The following COL5A2 variants were observed in gnomAD, a reference collection of about 807,000 sequenced individuals.
The protein encoded by COL5A2 is collagen type V alpha 2 chain.
COL5A2 carries 23 observed loss-of-function variants against 208.2 expected under a neutral mutation model. The ratio of observed to expected loss-of-function variants is 0.11; its 90% CI spans 0.08 to 0.16. The LOEUF is 0.16. Among genes scored for constraint, COL5A2 ranks in the 10% least tolerant of loss-of-function variants. The probability of loss-of-function intolerance (pLI) is 1.00; values close to 1 mark genes in which losing one functional copy is unlikely to be tolerated. For missense variants in COL5A2, 1,590 were observed against 1,956.4 expected, an observed-to-expected ratio of 0.81 and a Z score of 3.53; for synonymous variants, 625 against 628.5, an observed-to-expected ratio of 0.99 and a Z score of 0.08.
intron 1 of COL5A2, among the ~76,000 whole-genome samples, chr2:189,174,003 T>G (rs1688629740): frequency 6.6e-6 from 1 of 152,248 alleles, no homozygotes; most frequent in Non-Finnish European, 1.5e-5. Flanking sequence ...GTCCATACAT[T>G]TTAAGAATGC....
chr2:189,090,194 A>G (rs1686754110), intron 7 of COL5A2, among the ~76,000 whole-genome samples: 1 of 152,214 alleles, frequency 6.6e-6, no homozygotes, highest in Admixed American at 6.5e-5. Context: ...CCTTAATGCT[A>G]ATATGGAGAA....
chr2:189,058,756 T>G, intron 32 of COL5A2, 93 bp downstream of exon 32: 1 of 1,206,914 alleles, frequency 8.3e-7, no homozygotes, highest in Admixed American at 2.0e-5. Flanking sequence ...AATTTATAGG[T>G]TAAAATAAAT....
chr2:189,058,352 C>T, intron 33 of COL5A2, 77 bp downstream of exon 33: 2 of 1,101,740 alleles, frequency 1.8e-6, no homozygotes, highest in Admixed American at 1.7e-5. Context: ...AAGACAAATG[C>T]ATTCTCACAC....
At chr2:189,211,905 C>T (rs748571316) in intron 1 of COL5A2, among the ~76,000 whole-genome samples, 15 of 152,082 alleles carry the variant, frequency 9.9e-5, no homozygotes, top group East Asian at 1.9e-4. Context: ...CCAATAGCCT[C>T]GAGCCTCTGT....
At chr2:189,110,558 C>A (rs1223587808) in intron 1 of COL5A2, 109 bp from the exon 2 acceptor site, 14 of 914,992 alleles carry the variant, frequency 1.5e-5, no homozygotes, top group South Asian at 1.4e-4. Context: ...AAGAAGTAAC[C>A]TTCCAAGGAG....
chr2:189,053,087 T>G, intron 38 of COL5A2, 69 bp from the exon 39 acceptor site: 1 of 1,163,810 alleles, frequency 8.6e-7, no homozygotes, highest in Non-Finnish European at 1.3e-6. Context: ...GAGTAATTAT[T>G]ACTAATGTAT....
At chr2:189,146,806 A>C (rs1020097260) in intron 1 of COL5A2, among the ~76,000 whole-genome samples, 1 of 152,172 alleles carries the variant, frequency 6.6e-6, no homozygotes, top group Admixed American at 6.5e-5. Context: ...GCAAACTATT[A>C]CAGTAAAAGC....
the COL5A2 span, among the ~76,000 whole-genome samples, chr2:189,418,017 T>A: frequency 6.6e-6 from 1 of 152,120 alleles, no homozygotes; most frequent in Non-Finnish European, 1.5e-5. Context: ...GTTCATTTAT[T>A]TTTTTAATTT....
chr2:189,043,065 T>C, intron 48 of COL5A2, 86 bp downstream of exon 48: 2 of 973,746 alleles, frequency 2.1e-6, no homozygotes, highest in Non-Finnish European at 3.2e-6. Context: ...CATATCCACC[T>C]ATTTTACAGA....
Position 189,058,872 on chromosome 2 carries a change from C to T in COL5A2, c.2107G>A (p.Ala703Thr), listed in dbSNP as rs1161664875. Residue 703 changes from alanine to threonine, a missense_variant, in exon 32 of 54, where the codon GCA becomes ACA. Coordinates refer to ENST00000374866, the MANE Select transcript of COL5A2 (RefSeq NM_000393.5). Reference protein sequence around the residue: ...GDQGVPGDPGAVGPLGPRGER... With the variant: ...GDQGVPGDPGTVGPLGPRGER... ...ACTCTAGGTCCTAACGGGCCAACTG[C>T]TCCGGGATCTCCAGGAACACCCTAT... 9.9e-6 allele frequency: 16 copies of T among 1,611,546 alleles called. No homozygotes were observed. Among genetic ancestry groups the T allele is most frequent in the Admixed American group, 1.7e-5 (1 of 59,596 alleles).
intron 1 of COL5A2, among the ~76,000 whole-genome samples, chr2:189,194,613 C>T (rs1014761309): frequency 6.6e-6 from 1 of 152,108 alleles, no homozygotes; most frequent in Admixed American, 6.5e-5. Flanking sequence ...AATTCTTAAG[C>T]TGTGCCCTAA....
intron 1 of COL5A2, among the ~76,000 whole-genome samples, chr2:189,204,136 A>G (rs1190911405): frequency 1.3e-5 from 2 of 152,130 alleles, no homozygotes; most frequent in African/African-American, 4.8e-5. Flanking sequence ...TGACCTTGTG[A>G]TCCGCCCGCC....
chr2:189,290,218 A>G, the COL5A2 span, among the ~76,000 whole-genome samples: 1 of 152,238 alleles, frequency 6.6e-6, no homozygotes. Flanking sequence ...TGCCAAGAAC[A>G]CACAATGAGA....
chr2:189,404,919 T>C, the COL5A2 span, among the ~76,000 whole-genome samples: 1 of 152,200 alleles, frequency 6.6e-6, no homozygotes, highest in Non-Finnish European at 1.5e-5. Flanking sequence ...TGAGGGACAT[T>C]TGGAGACACA....
intron 1 of COL5A2, among the ~76,000 whole-genome samples, chr2:189,207,547 A>C (rs778479542): frequency 6.6e-6 from 1 of 152,216 alleles, no homozygotes; most frequent in Non-Finnish European, 1.5e-5. Flanking sequence ...AAGATCAATA[A>C]CCTGCCTACA....
intron 52 of COL5A2, 151 bp from the exon 53 acceptor site, chr2:189,035,306 G>A (rs988352645): frequency 1.9e-6 from 2 of 1,026,372 alleles, no homozygotes; most frequent in Non-Finnish European, 2.9e-6. Context: ...TATTCTAGCT[G>A]TACATCTAAA....
chr2:189,431,776 G>A, the COL5A2 span, among the ~76,000 whole-genome samples: 1 of 152,176 alleles, frequency 6.6e-6, no homozygotes, highest in African/African-American at 2.4e-5. Flanking sequence ...GCACTCTTCA[G>A]GATATTATCC....
the COL5A2 span, among the ~76,000 whole-genome samples, chr2:189,295,136 T>C: frequency 6.6e-6 from 1 of 152,194 alleles, no homozygotes; most frequent in Non-Finnish European, 1.5e-5. Flanking sequence ...CTTTCTAGAA[T>C]AGAAAAGATT....
the COL5A2 span, among the ~76,000 whole-genome samples, chr2:189,328,116 CAA>C: frequency 6.6e-6 from 1 of 152,168 alleles, no homozygotes. Context: ...CCTTATCCAA[CAA>C]AGCTGGCATC....
Sources: allele counts gnomAD v4.1 joint callset (sites outside exome capture counted in the v4.1 genomes callset), GRCh38; gene constraint gnomAD v4.1.1; transcripts MANE v1.5; gene names NCBI Gene and HGNC (gene_info 2026-07-23, HGNC 2026-07-21).